FGF6: variants seen among roughly 807,000 people sequenced by gnomAD.
The protein encoded by FGF6 is fibroblast growth factor 6.
A neutral mutation model predicts 18.4 loss-of-function variants in FGF6; 14 were observed. The ratio of observed to expected loss-of-function variants is 0.76; its 90% confidence interval spans 0.50 to 1.19. The LOEUF (loss-of-function observed/expected upper bound fraction) is 1.19, where lower values mean the gene tolerates loss of function less well. FGF6 is among the 50% of genes most tolerant of loss of function. The pLI, the probability that FGF6 is intolerant of heterozygous loss-of-function variation, is 0.00. For synonymous variants in FGF6, 125 were observed against 116.7 expected, an observed-to-expected ratio of 1.07 and a Z score of -0.46; for missense variants, 266 against 271.6, an observed-to-expected ratio of 0.98 and a Z score of 0.15.
At chr12:4,438,751 CAAAAAAAA>C (rs386375443) in intron 2 of FGF6, among the ~76,000 whole-genome samples, 11 of 39,730 alleles carry the variant, frequency 2.8e-4, no homozygotes, top group African/African-American at 5.3e-4. Context: ...GACTCTATCT[CAAAAAAAA>C]AAAAAAAAAA....
At chr12:4,442,339 C>G (rs1442919194) in intron 2 of FGF6, among the ~76,000 whole-genome samples, 1 of 152,108 alleles carries the variant, frequency 6.6e-6, no homozygotes, top group Non-Finnish European at 1.5e-5. Flanking sequence ...ATCGTATATT[C>G]CCTTCCCGAG....
At chr12:4,439,494 C>T (rs770965328) in intron 2 of FGF6, among the ~76,000 whole-genome samples, 7 of 152,066 alleles carry the variant, frequency 4.6e-5, no homozygotes, top group South Asian at 2.1e-4. Flanking sequence ...CCCACTTCCC[C>T]GTGCCTAGAA....
At chr12:4,444,294 T>G in intron 1 of FGF6, 58 bp from the exon 2 acceptor site, 1 of 1,202,486 alleles carries the variant, frequency 8.3e-7, no homozygotes, top group South Asian at 1.3e-5. Context: ...AGTGGGAACT[T>G]GAGCCGACAA....
At chr12:4,435,479 G>A (rs376778674) in intron 2 of FGF6, among the ~76,000 whole-genome samples, 2 of 152,244 alleles carry the variant, frequency 1.3e-5, no homozygotes, top group East Asian at 3.9e-4. Flanking sequence ...CCTGTCCATG[G>A]AAATAGTCTT....
intron 2 of FGF6, among the ~76,000 whole-genome samples, chr12:4,443,634 C>G (rs1342950194): frequency 6.6e-6 from 1 of 152,094 alleles, no homozygotes; most frequent in East Asian, 1.9e-4. Context: ...GATCGGAGAC[C>G]AGAGGATTGA....
Position 4,434,178 on chromosome 12 carries a change from T to A in FGF6, c.*37A>T. On this transcript the variant is annotated 3_prime_UTR_variant, in exon 3 of 3. Coordinates refer to ENST00000228837, the MANE Select transcript of FGF6 (RefSeq NM_020996.3). ...TGGTGCAAAATTTCAATCGAACAGATGATGCTTTAAATCTGTGAGCCTTCT... is the reference window on the plus strand; with the variant it reads ...TGGTGCAAAATTTCAATCGAACAGAAGATGCTTTAAATCTGTGAGCCTTCT... The A allele has an allele frequency of 6.2e-7, 1 of 1,607,094 alleles. No individual in the cohort carries two copies.
intron 2 of FGF6, 127 bp downstream of exon 2, chr12:4,444,006 T>C: frequency 1.6e-6 from 1 of 633,528 alleles, no homozygotes; most frequent in South Asian, 2.1e-5. Flanking sequence ...TTTCACAGGC[T>C]CCTCTCACAG....
chr12:4,444,588 T>G (rs1194449340), intron 1 of FGF6, among the ~76,000 whole-genome samples: 1 of 152,206 alleles, frequency 6.6e-6, no homozygotes, highest in East Asian at 1.9e-4. Context: ...CTTCTTCTTC[T>G]TCTTAATGTG....
In FGF6 at chr12:4,441,524, T is replaced by C. The variant is rs532371582; in HGVS notation, c.450+2609A>G. 2.2e-3 allele frequency among the ~76,000 whole-genome samples: 334 copies of C among 152,206 alleles called. 2 individuals carry two copies. Among genetic ancestry groups the C allele is most frequent in the Admixed American group, 4.1e-3 (63 of 15,306 alleles). Reference sequence around the variant, plus strand: ...TAGTGCTCAGGGCAGGGCAGCTGTTTATATTGTCTAAAGGGGGGCCTGGCA... The same window carrying C: ...TAGTGCTCAGGGCAGGGCAGCTGTTCATATTGTCTAAAGGGGGGCCTGGCA... On this transcript the variant is annotated intron_variant, in intron 2 of 2. Transcript: ENST00000228837.
At position 4,445,694 on chromosome 12, in the gene FGF6, T is replaced by C. The variant is rs1435222084; in HGVS notation, c.-124A>G. 6 of 804,634 alleles carry C rather than the reference T, an allele frequency of 7.5e-6. No individual in the cohort carries two copies. The East Asian group carries it at 1.6e-4, about 22-fold the overall frequency. 49.8% of individuals were successfully genotyped at this position (804,634 alleles called of 1,614,324 possible). On this transcript the variant is annotated 5_prime_UTR_variant, in exon 1 of 3. It removes an upstream start codon present in the reference 5' UTR. Coordinates refer to ENST00000228837, the MANE Select transcript of FGF6 (RefSeq NM_020996.3). This position sits in a 1 kb window ranked among gnomAD's most constrained non-coding sequence, Gnocchi z 5.5. ...GGAAGGCAGATGAAGGCTGCTGACA[T>C]GAAACCAAAGCCTCCATCGGGCACT... is the stretch of plus-strand genomic sequence containing the variant.
intron 2 of FGF6, among the ~76,000 whole-genome samples, chr12:4,438,657 AGG>A (rs1865651302): frequency 7.1e-6 from 1 of 141,080 alleles, no homozygotes; most frequent in Non-Finnish European, 1.5e-5. Context: ...GCTACTTGGG[AGG>A]CTAAGGCAGG....
intron 1 of FGF6, among the ~76,000 whole-genome samples, chr12:4,444,448 A>G (rs1240615674): frequency 6.6e-6 from 1 of 152,214 alleles, no homozygotes; most frequent in Non-Finnish European, 1.5e-5. Flanking sequence ...CTGCAAGGGA[A>G]GGTTCTGATA....
intron 2 of FGF6, among the ~76,000 whole-genome samples, chr12:4,443,404 G>A (rs1055597973): frequency 1.3e-5 from 2 of 152,130 alleles, no homozygotes; most frequent in Non-Finnish European, 2.9e-5. Flanking sequence ...TGTTTGCCCC[G>A]CCATATTTTG....
chr12:4,441,455 G>C (rs1056642205), intron 2 of FGF6, among the ~76,000 whole-genome samples: 2 of 152,144 alleles, frequency 1.3e-5, no homozygotes, highest in Admixed American at 6.5e-5. Context: ...GATCATGCTC[G>C]TGAAGCCCTC....
At chr12:4,438,966 C>T (rs1386760703) in intron 2 of FGF6, among the ~76,000 whole-genome samples, 2 of 151,992 alleles carry the variant, frequency 1.3e-5, no homozygotes, top group Non-Finnish European at 2.9e-5. Context: ...AAGATGATAC[C>T]GGTGCGTGCA....
chr12:4,443,985 AG>A, intron 2 of FGF6, 147 bp downstream of exon 2: 1 of 593,308 alleles, frequency 1.7e-6, no homozygotes, highest in Non-Finnish European at 3.0e-6. Flanking sequence ...ACAAGCTGCA[AG>A]GCCCCTCCCT....
Position 4,434,166 on chromosome 12 carries a change from C to T in FGF6, c.*49G>A, listed in dbSNP as rs1229446482. The stretch of plus-strand genomic sequence containing the variant: ...GGAATTCTTCGCTGGTGCAAAATTT[C>T]AATCGAACAGATGATGCTTTAAATC... On this transcript the variant is annotated 3_prime_UTR_variant, in exon 3 of 3. Coordinates refer to ENST00000228837, the MANE Select transcript of FGF6 (RefSeq NM_020996.3). 6.3e-7 allele frequency: 1 copy of T among 1,595,984 alleles called. No homozygotes were observed. Among genetic ancestry groups the T allele is most frequent in the South Asian group, 1.1e-5 (1 of 90,308 alleles).
At chr12:4,439,384 G>A (rs1022473577) in intron 2 of FGF6, among the ~76,000 whole-genome samples, 1 of 152,164 alleles carries the variant, frequency 6.6e-6, no homozygotes, top group African/African-American at 2.4e-5. Flanking sequence ...GAGGTTTCGT[G>A]TGTTGTTTGC....
At chr12:4,441,760 C>A (rs1271291614) in intron 2 of FGF6, among the ~76,000 whole-genome samples, 1 of 152,114 alleles carries the variant, frequency 6.6e-6, no homozygotes, top group African/African-American at 2.4e-5. Context: ...TGAGGCAGCT[C>A]CGGGGGCTTA....
Sources: allele counts gnomAD v4.1 joint callset (sites outside exome capture counted in the v4.1 genomes callset), GRCh38; gene constraint gnomAD v4.1.1; non-coding constraint Gnocchi (gnomAD v3.1); transcripts MANE v1.5; gene names NCBI Gene and HGNC (gene_info 2026-07-23, HGNC 2026-07-21).